CNOT1: variants seen among roughly 807,000 people sequenced by gnomAD.
CNOT1 encodes the protein CCR4-NOT transcription complex subunit 1.
Under a neutral mutation model 273.8 loss-of-function variants are expected in CNOT1, and 15 were observed. The observed-to-expected ratio is 0.05, with a 90% confidence interval of 0.04 to 0.08. The LOEUF (loss-of-function observed/expected upper bound fraction) is 0.08, where lower values mean the gene tolerates loss of function less well. Ranked by LOEUF, CNOT1 falls within the 10% of genes least tolerant of loss-of-function variation. CNOT1 has a pLI of 1.00. For missense variants in CNOT1, 1,644 were observed against 2,912.2 expected (o/e 0.56, Z 10.02); for synonymous variants, 1,022 against 1,005.5 (o/e 1.02, Z -0.31).
At chr16:58,591,239 G>C (rs968213938) in intron 2 of CNOT1, among the ~76,000 whole-genome samples, 1 of 152,166 alleles carries the variant, frequency 6.6e-6, no homozygotes, top group Non-Finnish European at 1.5e-5. Flanking sequence ...ACTTGTCTGA[G>C]ACTGTGTTAT....
intron 17 of CNOT1, among the ~76,000 whole-genome samples, chr16:58,559,263 A>G (rs1161488665): frequency 1.3e-5 from 2 of 152,188 alleles, no homozygotes; most frequent in East Asian, 3.9e-4. Flanking sequence ...CCTATAACAG[A>G]GCCATAAAAA....
chr16:58,529,934 T>C (rs168671), intron 43 of CNOT1, among the ~76,000 whole-genome samples: 95,580 of 150,610 alleles, frequency 0.63, 31,356 homozygotes, highest in East Asian at 0.95. Context: ...GCCAAAATGG[T>C]TAAAATGAAA....
chr16:58,542,387 T>G (rs1260218111), intron 32 of CNOT1, 41 bp downstream of exon 32: 1 of 1,612,908 alleles, frequency 6.2e-7, no homozygotes, highest in Non-Finnish European at 8.5e-7. Context: ...CTTCCCTAAA[T>G]TAAAAAAGAA....
intron 17 of CNOT1, chr16:58,559,976 C>T (rs2040774048): frequency 8.3e-7 from 1 of 1,197,918 alleles, no homozygotes; most frequent in Non-Finnish European, 1.2e-6. Flanking sequence ...AAGAAACCCT[C>T]TTCATTTACC....
intron 17 of CNOT1, 59 bp from the exon 18 acceptor site, chr16:58,558,733 T>TA: frequency 6.4e-7 from 1 of 1,562,508 alleles, no homozygotes; most frequent in Non-Finnish European, 8.7e-7. Context: ...CAGACACATG[T>TA]AAAGCAATCT....
rs375130432 is a variant in CNOT1, at chr16:58,561,552, T to C, written c.1980-1190A>G. Among the ~76,000 whole-genome samples, 16 of 152,298 alleles carry C rather than the reference T, an allele frequency of 1.1e-4. No individual in the cohort carries two copies. The East Asian group carries it at 2.3e-3, about 22-fold the overall frequency. ...ACTGACCTCTAAAACAAATGTCAAG[T>C]AGGGTAAATGTTTACTTGACAATTA... On this transcript the variant is annotated intron_variant, in intron 16 of 48. Coordinates refer to ENST00000317147, the MANE Select transcript of CNOT1 (RefSeq NM_016284.5).
At chr16:58,591,520 G>A (rs1260140705) in intron 2 of CNOT1, among the ~76,000 whole-genome samples, 1 of 152,160 alleles carries the variant, frequency 6.6e-6, no homozygotes, top group African/African-American at 2.4e-5. Flanking sequence ...TTGTGGGGCT[G>A]AACTGGGCGG....
intron 47 of CNOT1, 58 bp downstream of exon 47, chr16:58,523,312 A>C: frequency 6.6e-7 from 1 of 1,516,336 alleles, no homozygotes; most frequent in Non-Finnish European, 8.9e-7. Flanking sequence ...GAGGAAAAAA[A>C]AAAGATGAAA....
intron 16 of CNOT1, among the ~76,000 whole-genome samples, chr16:58,568,468 G>A (rs1318794280): frequency 1.3e-5 from 2 of 151,934 alleles, no homozygotes; most frequent in African/African-American, 2.4e-5. Flanking sequence ...GGCAGATCAC[G>A]AGGTCAAGAG....
At chr16:58,590,776 TAAAAC>T (rs1458210691) in intron 2 of CNOT1, among the ~76,000 whole-genome samples, 4 of 151,940 alleles carry the variant, frequency 2.6e-5, no homozygotes, top group African/African-American at 9.7e-5. Context: ...CAATAAAAAA[TAAAAC>T]AAAAAAGAAC....
Position 58,520,839 on chromosome 16 carries a change from T to TACCCACAA in CNOT1, c.*111_*118dup. 1 of 1,012,024 alleles carries TACCCACAA rather than the reference T, an allele frequency of 9.9e-7. No homozygotes were observed. Among genetic ancestry groups the TACCCACAA allele is most frequent in the Non-Finnish European group, 1.5e-6 (1 of 662,720 alleles). 62.7% of individuals were successfully genotyped at this position (1,012,024 alleles called of 1,614,324 possible). A position where few individuals can be genotyped will look rare whatever the true frequency, so the allele number is the denominator to read the frequency against. On this transcript the variant is annotated 3_prime_UTR_variant, in exon 49 of 49. Transcript: ENST00000317147. The stretch of plus-strand genomic sequence containing the variant: ...TGATCCCAACAGTAGTTGGGGCAGA[T>TACCCACAA]ACCCACAAACCAAAGGGCTGGGAAA...
chr16:58,542,840 C>G (rs934300352), intron 31 of CNOT1, among the ~76,000 whole-genome samples: 1 of 152,148 alleles, frequency 6.6e-6, no homozygotes, highest in African/African-American at 2.4e-5. Flanking sequence ...CCTCTAATCC[C>G]AGCACTTTGG....
At chr16:58,609,121 C>T (rs1366921930) in intron 1 of CNOT1, among the ~76,000 whole-genome samples, 1 of 152,208 alleles carries the variant, frequency 6.6e-6, no homozygotes, top group Non-Finnish European at 1.5e-5. Context: ...TGCCTGTAAT[C>T]CCAGCACTTG....
intron 14 of CNOT1, 73 bp from the exon 15 acceptor site, chr16:58,575,202 T>TC: frequency 6.4e-7 from 1 of 1,558,842 alleles, no homozygotes; most frequent in Non-Finnish European, 8.6e-7. Context: ...ATTCTGTTTT[T>TC]CGCTTTCCAC....
At chr16:58,621,015 A>G (rs1385150828) in intron 1 of CNOT1, among the ~76,000 whole-genome samples, 1 of 65,786 alleles carries the variant, frequency 1.5e-5, no homozygotes, top group African/African-American at 8.0e-5. Context: ...ACAAAAAGAT[A>G]ACTTTTTTTT....
intron 44 of CNOT1, among the ~76,000 whole-genome samples, chr16:58,526,917 G>T (rs1320835575): frequency 6.6e-6 from 1 of 151,994 alleles, no homozygotes; most frequent in Non-Finnish European, 1.5e-5. Context: ...TCTAGTCACA[G>T]CTACTCTGGA....
chr16:58,543,855 C>T lies in CNOT1; in HGVS notation c.4186G>A (p.Ala1396Thr), dbSNP rs1202901051. 1 of 1,613,774 alleles carries T rather than the reference C, an allele frequency of 6.2e-7. No individual in the cohort carries two copies. Among genetic ancestry groups the T allele is most frequent in the African/African-American group, 1.3e-5 (1 of 74,910 alleles). ...HPQLKQCVRQAIERAVQELVH... is the reference protein window; with the variant it reads ...HPQLKQCVRQTIERAVQELVH... ...AGCTCCTGGACAGCCCGTTCAATTGCCTGACGCACACACTGCTTCAACTGT... is the reference window on the plus strand; with the variant it reads ...AGCTCCTGGACAGCCCGTTCAATTGTCTGACGCACACACTGCTTCAACTGT... Residue 1396 changes from alanine (A) to threonine (T), a missense_variant, in exon 31 of 49, where the codon GCA (alanine) becomes ACA (threonine). Coordinates refer to ENST00000317147, the MANE Select transcript of CNOT1 (RefSeq NM_016284.5).
In CNOT1 at chr16:58,547,512, G is replaced by A; in HGVS notation, c.3639+54C>T. The A allele has an allele frequency of 6.4e-7, 1 of 1,562,544 alleles. No homozygotes were observed. Among genetic ancestry groups the A allele is most frequent in the African/African-American group, 1.4e-5 (1 of 73,016 alleles). On this transcript the variant is annotated intron_variant, in intron 26 of 48. Transcript: ENST00000317147. The surrounding 1 kb of genome is among the most constrained non-coding windows in gnomAD (Gnocchi z 4.0). Reference sequence around the variant, plus strand: ...AAATAGCTCCAAACAGCCAATACTTGTAATCATAATGTGCTGAAGATTCTC... The same window carrying A: ...AAATAGCTCCAAACAGCCAATACTTATAATCATAATGTGCTGAAGATTCTC...
intron 2 of CNOT1, among the ~76,000 whole-genome samples, chr16:58,589,587 A>T (rs1408218636): frequency 6.6e-6 from 1 of 152,104 alleles, no homozygotes; most frequent in Non-Finnish European, 1.5e-5. Flanking sequence ...TAATTTTACC[A>T]TGCAACTCTG....
Sources: gnomAD v4.1 joint callset for allele counts (sites outside exome capture counted in the v4.1 genomes callset) on GRCh38, gnomAD v4.1.1 for gene constraint, Gnocchi (gnomAD v3.1) non-coding constraint, MANE v1.5 for transcripts, NCBI Gene and HGNC (gene_info 2026-07-23, HGNC 2026-07-21) for gene names.